The following AFAP1 variants were observed in gnomAD, a reference collection of about 807,000 sequenced individuals.
AFAP1 encodes the protein actin filament-associated protein 1.
Under a neutral mutation model 93.9 loss-of-function variants are expected in AFAP1, and 75 were observed. The ratio of observed to expected loss-of-function variants is 0.80; its 90% CI spans 0.66 to 0.97. The LOEUF (loss-of-function observed/expected upper bound fraction) is 0.97. AFAP1 is among the 50% of genes least tolerant of loss of function. The pLI, the probability that AFAP1 is intolerant of heterozygous loss-of-function variation, is 0.00. For missense variants in AFAP1, 1,201 were observed against 1,050.8 expected (o/e 1.14, Z -1.98); for synonymous variants, 517 against 430.7 (o/e 1.20, Z -2.48).
At chr4:7,812,672 G>C (rs1032453311) in intron 8 of AFAP1, among the ~76,000 whole-genome samples, 1 of 152,164 alleles carries the variant, frequency 6.6e-6, no homozygotes, top group African/African-American at 2.4e-5. Flanking sequence ...CCATGAGGTG[G>C]GCAGGCACTG....
At chr4:7,824,249 A>G (rs1419286675) in intron 6 of AFAP1, among the ~76,000 whole-genome samples, 1 of 152,238 alleles carries the variant, frequency 6.6e-6, no homozygotes, top group Non-Finnish European at 1.5e-5. Context: ...TCCTCCAAAA[A>G]AACAAATTGT....
intron 6 of AFAP1, among the ~76,000 whole-genome samples, chr4:7,838,005 C>G (rs1182704367): frequency 6.6e-6 from 1 of 152,044 alleles, no homozygotes; most frequent in East Asian, 1.9e-4. Flanking sequence ...CAGAGCCAAG[C>G]CTTGTTTCAA....
chr4:7,883,248 A>G (rs975759406), intron 1 of AFAP1, among the ~76,000 whole-genome samples: 1 of 151,818 alleles, frequency 6.6e-6, no homozygotes, highest in Non-Finnish European at 1.5e-5. Context: ...CTACTGATAT[A>G]TTCACCATAT....
Position 7,772,973 on chromosome 4 carries a change from C to T in AFAP1, c.2100G>A (p.Lys700=), listed in dbSNP as rs763140192. 15 of 1,612,638 alleles carry T rather than the reference C, an allele frequency of 9.3e-6. No homozygotes were observed. Among genetic ancestry groups the T allele is most frequent in the Admixed American group, 1.7e-5 (1 of 60,026 alleles). ...TCTGCCGGCACTCCTCCTCCAGCTG[C>T]TTCAGCTTCTCCTCCAGGATCGCCT... ...KPQAILEEKL[K]QLEEECRQKE... The change falls in exon 16 of 18, where the codon AAG becomes AAA. Residue 700 remains lysine, a synonymous_variant. Coordinates refer to ENST00000420658, the MANE Select transcript of AFAP1 (RefSeq NM_001134647.2).
At chr4:7,797,345 G>A (rs1202539504) in intron 10 of AFAP1, among the ~76,000 whole-genome samples, 1 of 152,068 alleles carries the variant, frequency 6.6e-6, no homozygotes, top group Non-Finnish European at 1.5e-5. Context: ...GACTTAGAGG[G>A]GAAAAATGCA....
chr4:7,928,544 C>T lies in AFAP1; in HGVS notation c.-3+11112G>A, dbSNP rs546052765. On this transcript the variant is annotated intron_variant, in intron 1 of 17. Transcript: ENST00000420658. ...CTGGGACTACAGGCACGCACCACCA[C>T]ACCCAGCTAATTTTTGTGTTTTTAG... Among the ~76,000 whole-genome samples, 88 of 152,140 alleles carry T rather than the reference C, an allele frequency of 5.8e-4. 1 individual carries two copies. Among genetic ancestry groups the T allele is most frequent in the Non-Finnish European group, 8.7e-4 (59 of 68,026 alleles).
chr4:7,869,276 C>T (rs1400393303), intron 2 of AFAP1, among the ~76,000 whole-genome samples: 22 of 152,080 alleles, frequency 1.4e-4, no homozygotes, highest in Admixed American at 1.4e-3. Flanking sequence ...AATGAAAGCA[C>T]TCATAGATGG....
In AFAP1 at chr4:7,769,196, G is replaced by A. The variant is rs1349965273; in HGVS notation, c.2254-188C>T. On this transcript the variant is annotated intron_variant, in intron 16 of 17. Transcript: ENST00000420658. ...AGCGTCTCCTGGCATTCACGGCCGG[G>A]GGGCAGAGGCTCCGACGGGCAGGTG... Among the ~76,000 whole-genome samples, 7 of 152,204 alleles carry A rather than the reference G, an allele frequency of 4.6e-5. No individual in the cohort carries two copies. In the East Asian group the frequency reaches 1.3e-3, roughly 29 times the overall value.
At chr4:7,766,767 G>A (rs533424951) in intron 17 of AFAP1, among the ~76,000 whole-genome samples, 25 of 152,236 alleles carry the variant, frequency 1.6e-4, no homozygotes, top group African/African-American at 5.1e-4. Context: ...CTTGGCACAC[G>A]GCCTGCCCAG....
chr4:7,837,173 C>T (rs1024734351), intron 6 of AFAP1, among the ~76,000 whole-genome samples: 1 of 152,154 alleles, frequency 6.6e-6, no homozygotes, highest in African/African-American at 2.4e-5. Context: ...ATTCTAGATA[C>T]AAGCCAAAAT....
intron 3 of AFAP1, among the ~76,000 whole-genome samples, chr4:7,864,116 C>CG: frequency 6.6e-6 from 1 of 152,286 alleles, no homozygotes; most frequent in Non-Finnish European, 1.5e-5. Context: ...CCCATCACAA[C>CG]CCATTCCCAA....
chr4:7,873,806 C>A lies in AFAP1; in HGVS notation c.-2-1726G>T, dbSNP rs28817941. Among the ~76,000 whole-genome samples, 436 of 152,258 alleles carry A rather than the reference C, an allele frequency of 2.9e-3. 3 individuals are homozygous for A. The highest frequency in any genetic ancestry group is 0.01 in the African/African-American group (420 of 41,536). On this transcript the variant is annotated intron_variant, in intron 1 of 17. Transcript: ENST00000420658. ...CTTGTTGCACACAGCACTATCTTTA[C>A]TGGAGAGAGTGAATGACAGGCAAAC... is the stretch of plus-strand genomic sequence containing the variant.
At position 7,912,624 on chromosome 4, in the gene AFAP1, T is replaced by C. The variant is rs115381886; in HGVS notation, c.-3+27032A>G. Among the ~76,000 whole-genome samples the C allele has an allele frequency of 2.8e-3, 432 of 152,338 alleles. 2 individuals carry two copies. Among genetic ancestry groups the C allele is most frequent in the African/African-American group, 9.5e-3 (394 of 41,580 alleles). ...GTCTTTTACTCATTTTCAAAGTAGA[T>C]GGTTTGGTTTTACTGCTAAATTTTG... On this transcript the variant is annotated intron_variant, in intron 1 of 17. Coordinates refer to ENST00000420658, the MANE Select transcript of AFAP1 (RefSeq NM_001134647.2).
Position 7,843,173 on chromosome 4 carries a change from T to C in AFAP1, c.512A>G (p.Lys171Arg). 6.2e-7 allele frequency: 1 copy of C among 1,614,190 alleles called. No individual in the cohort carries two copies. The highest frequency in any genetic ancestry group is 2.2e-5 in the East Asian group (1 of 44,878). ...LRKKRFGQWT[K>R]LLCVIKDTKL... is the part of the protein sequence containing the mutation. Reference sequence around the variant, plus strand: ...GGTGTCTTTGATGACGCAGAGCAACTTGGTCCACTGGCCGAACCGCTTCTT... The same window carrying C: ...GGTGTCTTTGATGACGCAGAGCAACCTGGTCCACTGGCCGAACCGCTTCTT... Residue 171 changes from lysine to arginine, a missense_variant, in exon 5 of 18, where the codon AAG (lysine) becomes AGG (arginine). Coordinates refer to ENST00000420658, the MANE Select transcript of AFAP1 (RefSeq NM_001134647.2).
intron 1 of AFAP1, among the ~76,000 whole-genome samples, chr4:7,897,826 G>A (rs751465615): frequency 9.9e-5 from 15 of 152,008 alleles, no homozygotes; most frequent in Non-Finnish European, 1.9e-4. Context: ...ATGAGCCACC[G>A]CACCCAGGCA....
At chr4:7,930,430 C>T (rs953374435) in intron 1 of AFAP1, among the ~76,000 whole-genome samples, 1 of 151,946 alleles carries the variant, frequency 6.6e-6, no homozygotes, top group African/African-American at 2.4e-5. Context: ...CAGCCCATCT[C>T]GTCTCCCCTC....
chr4:7,770,295 G>A (rs1028568641), intron 16 of AFAP1, among the ~76,000 whole-genome samples: 1 of 152,212 alleles, frequency 6.6e-6, no homozygotes, highest in Non-Finnish European at 1.5e-5. Flanking sequence ...CATGGGGGTG[G>A]AAGAATGTGG....
intron 1 of AFAP1, among the ~76,000 whole-genome samples, chr4:7,900,449 G>C (rs1719053657): frequency 1.3e-5 from 2 of 152,232 alleles, no homozygotes; most frequent in South Asian, 4.1e-4. Context: ...AATGAAGCCA[G>C]AAACGTGCAG....
Position 7,774,648 on chromosome 4 carries a change from G to C in AFAP1, c.2062+91C>G, listed in dbSNP as rs879112953. On this transcript the variant is annotated intron_variant, in intron 15 of 17. Transcript: ENST00000420658. ...CTTACTAAATAAAATGACAGCCTTG[G>C]TGAGCAATAGGTCCTTTGGGCAAAG... 76 of 1,499,876 alleles carry C rather than the reference G, an allele frequency of 5.1e-5. 1 individual carries two copies. The South Asian group carries it at 1.0e-3, about 20-fold the overall frequency. The allele number at this position is 1,499,876 out of a possible 1,614,324, so 92.9% of individuals were successfully genotyped here.
Sources: allele counts gnomAD v4.1 joint callset (sites outside exome capture counted in the v4.1 genomes callset), GRCh38; gene constraint gnomAD v4.1.1; transcripts MANE v1.5; gene names NCBI Gene and HGNC (gene_info 2026-07-23, HGNC 2026-07-21).